RAD21L1: variants seen among roughly 807,000 people sequenced by gnomAD.
The protein encoded by RAD21L1 is double-strand-break repair protein rad21-like protein 1.
A neutral mutation model predicts 69.0 loss-of-function variants in RAD21L1; 47 were observed. The observed-to-expected ratio is 0.68, with a 90% CI of 0.54 to 0.87. The LOEUF (loss-of-function observed/expected upper bound fraction) is 0.87. RAD21L1 is among the 40% of genes least tolerant of loss of function. The probability of loss-of-function intolerance (pLI) is 0.00; values close to 1 mark genes in which losing one functional copy is unlikely to be tolerated. For missense variants in RAD21L1, 583 were observed against 647.6 expected, an observed-to-expected ratio of 0.90 and a Z score of 1.08; for synonymous variants, 177 against 205.8, an observed-to-expected ratio of 0.86 and a Z score of 1.20.
At chr20:1,251,370 G>GTT (rs56251114) in intron 13 of RAD21L1, among the ~76,000 whole-genome samples, 21,535 of 144,634 alleles carry the variant, frequency 0.15, 1,759 homozygotes, top group Middle Eastern at 0.19. Context: ...ATGTGCTTTG[G>GTT]TTTTTTTTTT....
chr20:1,240,528 AT>A, intron 8 of RAD21L1, 94 bp downstream of exon 8: 1 of 1,446,866 alleles, frequency 6.9e-7, no homozygotes, highest in Non-Finnish European at 9.1e-7. Context: ...ATTATAGGAG[AT>A]AGTCAATCTA....
At chr20:1,238,543 T>G (rs2087545110) in intron 6 of RAD21L1, among the ~76,000 whole-genome samples, 1 of 151,976 alleles carries the variant, frequency 6.6e-6, no homozygotes, top group Non-Finnish European at 1.5e-5. Context: ...CTGGAAAACA[T>G]TGTTTTCTTT....
At chr20:1,234,537 A>G (rs1333750362) in intron 5 of RAD21L1, among the ~76,000 whole-genome samples, 1 of 152,238 alleles carries the variant, frequency 6.6e-6, no homozygotes, top group Non-Finnish European at 1.5e-5. Flanking sequence ...TGGTCAACAT[A>G]CATACAAGAT....
At chr20:1,230,307 A>T (rs1308212536) in intron 3 of RAD21L1, among the ~76,000 whole-genome samples, 1 of 152,178 alleles carries the variant, frequency 6.6e-6, no homozygotes, top group East Asian at 1.9e-4. Flanking sequence ...TGGGTCATTT[A>T]GTTTGTCGTG....
intron 13 of RAD21L1, among the ~76,000 whole-genome samples, chr20:1,252,890 C>T (rs557552875): frequency 1.3e-5 from 2 of 152,306 alleles, no homozygotes; most frequent in East Asian, 3.9e-4. Context: ...TTATCTCCTT[C>T]GTCACTTTTT....
At chr20:1,229,819 C>A in intron 2 of RAD21L1, 61 bp from the exon 3 acceptor site, 1 of 1,279,000 alleles carries the variant, frequency 7.8e-7, no homozygotes, top group Non-Finnish European at 1.1e-6. Flanking sequence ...CAGTAACTTT[C>A]AAAGAATAGG....
chr20:1,253,269 C>T (rs147969714), intron 13 of RAD21L1, among the ~76,000 whole-genome samples: 2 of 152,270 alleles, frequency 1.3e-5, no homozygotes, highest in East Asian at 3.9e-4. Context: ...CTCATAGGGA[C>T]ATTGGCCAGT....
intron 8 of RAD21L1, among the ~76,000 whole-genome samples, chr20:1,240,767 G>A (rs2087591316): frequency 6.6e-6 from 1 of 152,120 alleles, no homozygotes; most frequent in Non-Finnish European, 1.5e-5. Flanking sequence ...CTTTTCCATG[G>A]TGATGACCCA....
At chr20:1,248,436 T>C (rs1374551323) in intron 12 of RAD21L1, among the ~76,000 whole-genome samples, 190 bp from the exon 13 acceptor site, 3 of 152,154 alleles carry the variant, frequency 2.0e-5, no homozygotes, top group Non-Finnish European at 4.4e-5. Context: ...CAGGTGTAAT[T>C]GTGCAAAGGT....
chr20:1,230,181 A>G (rs1333393063), intron 3 of RAD21L1, among the ~76,000 whole-genome samples, 172 bp downstream of exon 3: 1 of 152,132 alleles, frequency 6.6e-6, no homozygotes, highest in Non-Finnish European at 1.5e-5. Flanking sequence ...CTCTTTTTCT[A>G]TACCTGCAGG....
At position 1,246,350 on chromosome 20, in the gene RAD21L1, C is replaced by G. The variant is rs1021027041; in HGVS notation, c.1401+45C>G. On this transcript the variant is annotated intron_variant, in intron 12 of 13. Coordinates refer to ENST00000683101, the MANE Select transcript of RAD21L1 (RefSeq NM_001384355.1). The surrounding 1 kb of genome is among the most constrained non-coding windows in gnomAD (Gnocchi z 4.6). ...TGGGGATGTTCTTAAAAACTTTATT[C>G]CTAAATATTTAACACCTTATTTATC... 1.9e-5 allele frequency: 18 copies of G among 970,650 alleles called. No individual in the cohort carries two copies. The highest frequency in any genetic ancestry group is 2.5e-5 in the Non-Finnish European group (17 of 679,436). 60.1% of individuals were successfully genotyped at this position (970,650 alleles called of 1,614,324 possible). A position where few individuals can be genotyped will look rare whatever the true frequency, so the allele number is the denominator to read the frequency against.
At chr20:1,252,835 G>A (rs2122176404) in intron 13 of RAD21L1, among the ~76,000 whole-genome samples, 1 of 152,264 alleles carries the variant, frequency 6.6e-6, no homozygotes, top group South Asian at 2.1e-4. Flanking sequence ...GGGTTCAGTT[G>A]TCTCTACTCT....
chr20:1,238,169 A>C lies in RAD21L1; in HGVS notation c.601A>C (p.Ser201Arg), dbSNP rs1418030876. The stretch of plus-strand genomic sequence containing the variant: ...TGGAGAACGATCTCTATTCTATGAC[A>C]GTGGAGATGGGTTTGGAGATGAAGG... ...LTGERSLFYDSGDGFGDEGAA... is the reference protein window; with the variant it reads ...LTGERSLFYDRGDGFGDEGAA... Residue 201 changes from serine (S) to arginine (R), a missense_variant, in exon 6 of 14, where the codon AGT becomes CGT. Coordinates refer to ENST00000683101, the MANE Select transcript of RAD21L1 (RefSeq NM_001384355.1). The C allele has an allele frequency of 2.6e-6, 4 of 1,534,998 alleles. No individual in the cohort carries two copies. The Middle Eastern group carries it at 5.0e-4, about 193-fold the overall frequency.
In RAD21L1 at chr20:1,246,560, A is replaced by G. The variant is rs2087722198; in HGVS notation, c.1401+255A>G. ...GGGAAAGTGTGAGGTTTTTGTGCTTATCAAAAGTAGTGACAGGATTTTAAA... is the reference window on the plus strand; with the variant it reads ...GGGAAAGTGTGAGGTTTTTGTGCTTGTCAAAAGTAGTGACAGGATTTTAAA... On this transcript the variant is annotated intron_variant, in intron 12 of 13. Transcript: ENST00000683101. This position sits in a 1 kb window ranked among gnomAD's most constrained non-coding sequence, Gnocchi z 4.6. 6.6e-6 allele frequency among the ~76,000 whole-genome samples: 1 copy of G among 152,150 alleles called. No individual in the cohort carries two copies. Among genetic ancestry groups the G allele is most frequent in the African/African-American group, 2.4e-5 (1 of 41,432 alleles).
At position 1,230,035 on chromosome 20, in the gene RAD21L1, CCTT is replaced by C. The variant is rs749387399; in HGVS notation, c.274+30_274+32del. 136 of 1,513,148 alleles carry C rather than the reference CCTT, an allele frequency of 9.0e-5. No individual in the cohort carries two copies. In the African/African-American group the frequency reaches 1.5e-3, roughly 16 times the overall value. The allele number at this position is 1,513,148 out of a possible 1,614,324, so 93.7% of individuals were successfully genotyped here. On this transcript the variant is annotated intron_variant, in intron 3 of 13. Transcript: ENST00000683101. ...GTATACATGTAATATTGATTTGTCT[CCTT>C]CTTGGTTCCCTTTTGCATTTTAATT...
intron 5 of RAD21L1, among the ~76,000 whole-genome samples, chr20:1,236,667 G>A (rs1047323193): frequency 6.6e-6 from 1 of 152,240 alleles, no homozygotes; most frequent in Non-Finnish European, 1.5e-5. Context: ...GTAAAGTTGG[G>A]ATATAACTAA....
Position 1,240,597 on chromosome 20 carries a change from C to T in RAD21L1, c.856+163C>T, listed in dbSNP as rs531302156. On this transcript the variant is annotated intron_variant, in intron 8 of 13. Coordinates refer to ENST00000683101, the MANE Select transcript of RAD21L1 (RefSeq NM_001384355.1). ...ACGGTGAAGAAAATTTTAGATGATC[C>T]TTTTGAGGTAGGAAGCGGGACTCAA... Among the ~76,000 whole-genome samples, 4 of 152,166 alleles carry T rather than the reference C, an allele frequency of 2.6e-5. No individual in the cohort carries two copies. The East Asian group carries it at 7.7e-4, about 29-fold the overall frequency.
intron 1 of RAD21L1, 59 bp from the exon 2 acceptor site, chr20:1,228,363 T>C (rs924558280): frequency 6.3e-6 from 5 of 793,694 alleles, no homozygotes; most frequent in Non-Finnish European, 9.2e-6. Context: ...CATATTTTTC[T>C]TATAGCAATA....
rs758115475 is a variant in RAD21L1 at position 1,246,051 on chromosome 20, C to A, written c.1309-162C>A. Among the ~76,000 whole-genome samples, 5 of 152,006 alleles carry A rather than the reference C, an allele frequency of 3.3e-5. No homozygotes were observed. The highest frequency in any genetic ancestry group is 1.2e-4 in the African/African-American group (5 of 41,394). ...ATTGTAACATTTAAGTCAAAGACTG[C>A]CTATCTGGGGTATTTCAGAGATAAT... On this transcript the variant is annotated intron_variant, in intron 11 of 13. Transcript: ENST00000683101. This position sits in a 1 kb window ranked among gnomAD's most constrained non-coding sequence, Gnocchi z 4.6.
Sources: allele counts gnomAD v4.1 joint callset (sites outside exome capture counted in the v4.1 genomes callset), GRCh38; gene constraint gnomAD v4.1.1; non-coding constraint Gnocchi (gnomAD v3.1); transcripts MANE v1.5; gene names NCBI Gene and HGNC (gene_info 2026-07-23, HGNC 2026-07-21).